The following RSF1 variants were observed in gnomAD, a reference collection of about 807,000 sequenced individuals.
RSF1 encodes remodeling and spacing factor 1.
In RSF1, 13 loss-of-function variants were observed where a neutral mutation model predicts 145.2. The observed-to-expected ratio is 0.09, with a 90% confidence interval of 0.06 to 0.14. The LOEUF is 0.14. Among genes scored for constraint, RSF1 ranks in the 10% least tolerant of loss-of-function variants. RSF1 has a pLI of 1.00. For synonymous variants in RSF1, 577 were observed against 592.6 expected (o/e 0.97, Z 0.38); for missense variants, 1,517 against 1,718.2 (o/e 0.88, Z 2.07).
At chr11:77,813,820 G>GACAGAC (rs1948754802) in intron 1 of RSF1, 1 of 168,980 alleles carries the variant, frequency 5.9e-6, no homozygotes, top group Admixed American at 6.3e-5. Context: ...TTTGTAAAAG[G>GACAGAC]ACACACACAC....
Position 77,760,917 on chromosome 11 carries a change from CT to C in RSF1, c.279+3680del, listed in dbSNP as rs368459410. ...AAAGACACACTAGGTTATTTTCTTT[CT>C]TTTTTTTTTTCTGAAACGGAGTCTC... is the stretch of plus-strand genomic sequence containing the variant. On this transcript the variant is annotated intron_variant, in intron 2 of 15. Coordinates refer to ENST00000308488, the MANE Select transcript of RSF1 (RefSeq NM_016578.4). Among the ~76,000 whole-genome samples the C allele has an allele frequency of 7.0e-3, 1,030 of 146,242 alleles. 14 individuals are homozygous for C. The highest frequency in any genetic ancestry group is 0.023 in the African/African-American group (943 of 40,414).
chr11:77,701,244 T>G lies in RSF1; in HGVS notation c.1985A>C (p.Lys662Thr), dbSNP rs769180537. 1.2e-6 allele frequency: 2 copies of G among 1,614,178 alleles called. No homozygotes were observed. The highest frequency in any genetic ancestry group is 2.2e-5 in the South Asian group (2 of 91,080). ...TTTTAGGGTTTCTAGGTCTACTTTT[T>G]TCACAGACTGGCCACCAACAGTACT... Reference protein sequence around the residue: ...STSTVGGQSVKKVDLETLKED... With the variant: ...STSTVGGQSVTKVDLETLKED... The change falls in exon 6 of 16, where the codon AAA becomes ACA. Residue 662 changes from lysine (K) to threonine (T), a missense_variant. Coordinates refer to ENST00000308488, the MANE Select transcript of RSF1 (RefSeq NM_016578.4).
At chr11:77,671,178 T>TATATATATATAG (rs1959536007) in intron 15 of RSF1, among the ~76,000 whole-genome samples, 1 of 99,842 alleles carries the variant, frequency 1.0e-5, no homozygotes, top group African/African-American at 4.3e-5. Flanking sequence ...TATATATATA[T>TATATATATATAG]TTATATGTAT....
the RSF1 span, among the ~76,000 whole-genome samples, chr11:77,831,380 A>T: frequency 6.6e-6 from 1 of 152,296 alleles, no homozygotes; most frequent in East Asian, 1.9e-4. Context: ...TCCATGAAAA[A>T]ATTTTTACAT....
chr11:77,846,163 G>A, the RSF1 span, among the ~76,000 whole-genome samples: 1 of 152,114 alleles, frequency 6.6e-6, no homozygotes, highest in South Asian at 2.1e-4. Flanking sequence ...TGTGGCTTCT[G>A]AGGTCTGCTA....
chr11:77,702,780 ATAAT>A, intron 5 of RSF1: 1 of 233,396 alleles, frequency 4.3e-6, no homozygotes, highest in Non-Finnish European at 8.1e-6. Flanking sequence ...TGCAGTTCAA[ATAAT>A]TTATTCAAAT....
chr11:77,670,304 T>C (rs950952262), intron 15 of RSF1, among the ~76,000 whole-genome samples: 5 of 152,172 alleles, frequency 3.3e-5, no homozygotes, highest in African/African-American at 1.2e-4. Flanking sequence ...AAGGCCTTCA[T>C]ATTTATTGTT....
intron 3 of RSF1, among the ~76,000 whole-genome samples, chr11:77,743,573 T>A (rs1240997724): frequency 6.6e-6 from 1 of 152,248 alleles, no homozygotes; most frequent in East Asian, 1.9e-4. Flanking sequence ...ATTTTATATC[T>A]CGCAATTTTA....
intron 1 of RSF1, among the ~76,000 whole-genome samples, chr11:77,790,938 T>C (rs924621667): frequency 2.6e-5 from 4 of 152,180 alleles, no homozygotes; most frequent in African/African-American, 9.7e-5. Context: ...TCCAGGCACA[T>C]GGTGCAAGCT....
At chr11:77,855,071 A>G in the RSF1 span, among the ~76,000 whole-genome samples, 1 of 152,122 alleles carries the variant, frequency 6.6e-6, no homozygotes, top group African/African-American at 2.4e-5. Flanking sequence ...CCATAGCTAG[A>G]GCTGGAGTGG....
intron 1 of RSF1, among the ~76,000 whole-genome samples, chr11:77,814,347 T>G (rs1948761527): frequency 6.6e-6 from 1 of 152,008 alleles, no homozygotes; most frequent in Admixed American, 6.6e-5. Flanking sequence ...AAAAAAATTT[T>G]TAAAAATTAG....
intron 1 of RSF1, among the ~76,000 whole-genome samples, chr11:77,814,097 G>A (rs1247426719): frequency 6.6e-6 from 1 of 151,890 alleles, no homozygotes; most frequent in East Asian, 1.9e-4. Flanking sequence ...TTACTTGGGA[G>A]CGTGAGGCAG....
At chr11:77,747,402 C>T (rs1203849439) in intron 2 of RSF1, among the ~76,000 whole-genome samples, 3 of 152,154 alleles carry the variant, frequency 2.0e-5, no homozygotes, top group Non-Finnish European at 4.4e-5. Context: ...CACATTTTCC[C>T]GCATGAGAGT....
intron 1 of RSF1, among the ~76,000 whole-genome samples, chr11:77,780,039 G>C (rs539798084): frequency 6.6e-6 from 1 of 152,102 alleles, no homozygotes; most frequent in African/African-American, 2.4e-5. Flanking sequence ...GCCAATGCTG[G>C]GTGTTCCCAA....
chr11:77,847,133 T>G, the RSF1 span, among the ~76,000 whole-genome samples: 2 of 152,126 alleles, frequency 1.3e-5, no homozygotes, highest in East Asian at 3.9e-4. Flanking sequence ...TGCCCACGGG[T>G]GGAATTTTTG....
chr11:77,756,843 T>C (rs750708404), intron 2 of RSF1, among the ~76,000 whole-genome samples: 6 of 152,166 alleles, frequency 3.9e-5, no homozygotes, highest in Non-Finnish European at 8.8e-5. Context: ...GCTTTAAATA[T>C]TGGAAGGGCA....
chr11:77,836,468 A>AT, the RSF1 span, among the ~76,000 whole-genome samples: 1 of 152,236 alleles, frequency 6.6e-6, no homozygotes, highest in Non-Finnish European at 1.5e-5. Flanking sequence ...AGGCCTCGCC[A>AT]TAAACCAACC....
upstream of RSF1, among the ~76,000 whole-genome samples, chr11:77,823,087 G>T (rs941362065): frequency 1.3e-5 from 2 of 151,652 alleles, no homozygotes. Flanking sequence ...GGTGGCGGCG[G>T]GCCCCTGTAG....
intron 5 of RSF1, among the ~76,000 whole-genome samples, chr11:77,712,005 T>C (rs1590844956): frequency 9.6e-6 from 1 of 104,254 alleles, no homozygotes. Context: ...CTAGATTAGA[T>C]TGAGGTTATA....
Sources: gnomAD v4.1 joint callset for allele counts (sites outside exome capture counted in the v4.1 genomes callset) on GRCh38, gnomAD v4.1.1 for gene constraint, MANE v1.5 for transcripts, NCBI Gene and HGNC (gene_info 2026-07-23, HGNC 2026-07-21) for gene names.